MREG: variants seen among roughly 807,000 people sequenced by gnomAD.
MREG encodes dilute suppressor protein homolog.
In MREG, 31 loss-of-function variants were observed where a neutral mutation model predicts 28.5. The observed-to-expected ratio is 1.09, with a 90% CI of 0.82 to 1.47. MREG has a LOEUF of 1.47. Ranked by LOEUF, MREG falls within the 40% of genes most tolerant of loss-of-function variation. The pLI, the probability that MREG is intolerant of heterozygous loss-of-function variation, is 0.00. For synonymous variants in MREG, 106 were observed against 95.2 expected (o/e 1.11, Z -0.66); for missense variants, 256 against 257.4 (o/e 0.99, Z 0.04).
At chr2:216,000,802 A>C (rs192421217) in intron 1 of MREG, among the ~76,000 whole-genome samples, 3 of 152,322 alleles carry the variant, frequency 2.0e-5, no homozygotes, top group Non-Finnish European at 4.4e-5. Flanking sequence ...GCCTTTTAAA[A>C]ATTTCCCTAA....
intron 2 of MREG, among the ~76,000 whole-genome samples, chr2:215,949,144 T>C (rs920339381): frequency 6.6e-6 from 1 of 151,374 alleles, no homozygotes; most frequent in Non-Finnish European, 1.5e-5. Context: ...ACACCTGTAA[T>C]CCCAGCTACT....
intron 2 of MREG, among the ~76,000 whole-genome samples, chr2:215,979,395 G>A (rs35190438): frequency 0.21 from 32,406 of 150,860 alleles, 4,103 homozygotes; most frequent in South Asian, 0.29. Flanking sequence ...CCCGGGAGGC[G>A]GAGATTGCAG....
intron 3 of MREG, among the ~76,000 whole-genome samples, chr2:215,946,523 A>G (rs1047717950): frequency 2.0e-5 from 3 of 152,190 alleles, no homozygotes; most frequent in African/African-American, 7.2e-5. Flanking sequence ...AATCATTATC[A>G]TTAACCATTA....
chr2:216,013,263 C>T lies in MREG; in HGVS notation c.65G>A (p.Arg22His). The T allele has an allele frequency of 6.5e-7, 1 of 1,549,786 alleles. No homozygotes were observed. Among genetic ancestry groups the T allele is most frequent in the Non-Finnish European group, 8.7e-7 (1 of 1,146,720 alleles). The change falls in exon 1 of 5, where the codon CGC (arginine) becomes CAC (histidine). Residue 22 changes from arginine to histidine, a missense_variant. Transcript: ENST00000263268. ...GAGGGGCTCCTTCTCAGGCAGGGCGCGCTCCTCCAAGCACTCGCACCCGCA... is the reference window on the plus strand; with the variant it reads ...GAGGGGCTCCTTCTCAGGCAGGGCGTGCTCCTCCAAGCACTCGCACCCGCA... Reference protein sequence around the residue: ...CCCGCECLEERALPEKEPLVS... With the variant: ...CCCGCECLEEHALPEKEPLVS...
chr2:216,002,562 A>T (rs1364190060), intron 1 of MREG, among the ~76,000 whole-genome samples: 1 of 152,200 alleles, frequency 6.6e-6, no homozygotes, highest in Non-Finnish European at 1.5e-5. Flanking sequence ...AGTCAACAGC[A>T]ACCAACGGTC....
intron 1 of MREG, among the ~76,000 whole-genome samples, chr2:216,031,694 A>AG (rs1491258898): frequency 2.5e-5 from 3 of 118,914 alleles, no homozygotes; most frequent in African/African-American, 1.0e-4. Context: ...AAAGAAAGAG[A>AG]AAGAAAGAAA....
At chr2:215,971,876 A>G (rs1050568619) in intron 2 of MREG, among the ~76,000 whole-genome samples, 3 of 152,232 alleles carry the variant, frequency 2.0e-5, no homozygotes, top group African/African-American at 7.2e-5. Context: ...AACATCAACC[A>G]AGGATCTGCC....
intron 1 of MREG, among the ~76,000 whole-genome samples, chr2:216,010,930 A>G (rs1694289263): frequency 6.6e-6 from 1 of 151,498 alleles, no homozygotes; most frequent in East Asian, 2.0e-4. Flanking sequence ...CCCCGTCTCT[A>G]CTAAAAATAC....
At chr2:215,993,241 G>C (rs1339695108) in intron 2 of MREG, among the ~76,000 whole-genome samples, 1 of 152,106 alleles carries the variant, frequency 6.6e-6, no homozygotes, top group African/African-American at 2.4e-5. Flanking sequence ...CAATAGAACA[G>C]AACAGAGGCC....
chr2:215,993,517 A>G (rs1169127454), intron 2 of MREG, among the ~76,000 whole-genome samples: 1 of 152,230 alleles, frequency 6.6e-6, no homozygotes, highest in African/African-American at 2.4e-5. Context: ...ATGGGCAAAG[A>G]CTTCATGAAT....
rs550980031 is a variant in MREG, at chr2:215,943,186, C to A, written c.*1677G>T. 2.0e-5 allele frequency: 5 copies of A among 253,780 alleles called. No individual in the cohort carries two copies. The highest frequency in any genetic ancestry group is 1.1e-4 in the African/African-American group (5 of 44,554). 15.7% of individuals were successfully genotyped at this position (253,780 alleles called of 1,614,324 possible). A position where few individuals can be genotyped will look rare whatever the true frequency, so the allele number is the denominator to read the frequency against. Reference sequence around the variant, plus strand: ...AAAATCTGTAAAAATAAAAATATTTCCATTTTTCTCAGCAATCTATGGATT... The same window carrying A: ...AAAATCTGTAAAAATAAAAATATTTACATTTTTCTCAGCAATCTATGGATT... On this transcript the variant is annotated 3_prime_UTR_variant, in exon 5 of 5. Transcript: ENST00000263268.
intron 2 of MREG, among the ~76,000 whole-genome samples, chr2:215,988,913 C>T (rs1032477622): frequency 6.6e-6 from 1 of 152,248 alleles, no homozygotes; most frequent in Non-Finnish European, 1.5e-5. Context: ...ATAGATAAAA[C>T]TCCCATCTCC....
intron 3 of MREG, among the ~76,000 whole-genome samples, chr2:215,946,588 G>A (rs543432325): frequency 6.6e-6 from 1 of 152,168 alleles, no homozygotes; most frequent in East Asian, 1.9e-4. Context: ...CAACCTCGAA[G>A]CTTTTCTTCC....
intron 2 of MREG, among the ~76,000 whole-genome samples, chr2:215,966,808 G>A (rs1457292509): frequency 2.6e-5 from 4 of 152,074 alleles, no homozygotes; most frequent in African/African-American, 9.7e-5. Flanking sequence ...CGCCATGTTG[G>A]TCAGGCTGGT....
chr2:215,998,468 G>C (rs1005701406), intron 1 of MREG, among the ~76,000 whole-genome samples: 3 of 152,106 alleles, frequency 2.0e-5, no homozygotes, highest in Non-Finnish European at 4.4e-5. Flanking sequence ...ACTGAATATT[G>C]AACAGTGCTC....
At chr2:216,009,396 A>C (rs1169300999) in intron 1 of MREG, among the ~76,000 whole-genome samples, 1 of 152,068 alleles carries the variant, frequency 6.6e-6, no homozygotes, top group African/African-American at 2.4e-5. Flanking sequence ...CACACCTGTA[A>C]TCCCAGCACT....
At chr2:216,005,284 T>C (rs1254392066) in intron 1 of MREG, among the ~76,000 whole-genome samples, 3 of 152,104 alleles carry the variant, frequency 2.0e-5, no homozygotes, top group Admixed American at 6.5e-5. Flanking sequence ...ATCCCATTTA[T>C]GCAAAGTTTA....
Position 215,984,518 on chromosome 2 carries a change from CAAA to C in MREG, c.255+11785_255+11787del, listed in dbSNP as rs375220091. Among the ~76,000 whole-genome samples the C allele has an allele frequency of 9.8e-3, 666 of 68,010 alleles. 7 individuals are homozygous for C. The highest frequency in any genetic ancestry group is 0.033 in the African/African-American group (483 of 14,510). 44.6% of individuals were successfully genotyped at this position (68,010 alleles called of 152,430 possible). A position where few individuals can be genotyped will look rare whatever the true frequency, so the allele number is the denominator to read the frequency against. Reference sequence around the variant, plus strand: ...GGGCAACAGAATAAGACCTTGTCACCAAAAAAAAAAAAAAAAAAAAAAAAAATT... The same window carrying C: ...GGGCAACAGAATAAGACCTTGTCACCAAAAAAAAAAAAAAAAAAAAAAATT... On this transcript the variant is annotated intron_variant, in intron 2 of 4. Coordinates refer to ENST00000263268, the MANE Select transcript of MREG (RefSeq NM_018000.3).
intron 2 of MREG, among the ~76,000 whole-genome samples, chr2:215,957,474 A>G (rs3755152): frequency 0.72 from 109,799 of 151,670 alleles, 43,384 homozygotes; most frequent in Non-Finnish European, 0.88. Flanking sequence ...TTCATCTCTC[A>G]AGGAGTTTGA....
Sources: gnomAD v4.1 joint callset for allele counts (sites outside exome capture counted in the v4.1 genomes callset) on GRCh38, gnomAD v4.1.1 for gene constraint, MANE v1.5 for transcripts, NCBI Gene and HGNC (gene_info 2026-07-23, HGNC 2026-07-21) for gene names.